Variants in KDM8 observed in about 807,000 individuals in gnomAD.
KDM8 encodes bifunctional peptidase and arginyl-hydroxylase JMJD5.
Under a neutral mutation model 46.9 loss-of-function variants are expected in KDM8, and 35 were observed. The ratio of observed to expected loss-of-function variants is 0.75; its 90% confidence interval spans 0.57 to 0.99. The LOEUF (loss-of-function observed/expected upper bound fraction) is 0.99, where lower values mean the gene tolerates loss of function less well. Among genes scored for constraint, KDM8 ranks in the 50% least tolerant of loss-of-function variants. The probability of loss-of-function intolerance (pLI) is 0.00; values close to 1 mark genes in which losing one functional copy is unlikely to be tolerated. For synonymous variants in KDM8, 232 were observed against 227.7 expected, an observed-to-expected ratio of 1.02 and a Z score of -0.17; for missense variants, 475 against 537.0, an observed-to-expected ratio of 0.88 and a Z score of 1.14.
rs148879641 is a variant in KDM8, at chr16:27,213,169, G to A, written c.499-416G>A. 921 of 156,818 alleles carry A rather than the reference G, an allele frequency of 5.9e-3. 11 individuals are homozygous for A. The highest frequency in any genetic ancestry group is 0.02 in the African/African-American group (813 of 41,564). The allele number at this position is 156,818 out of a possible 1,614,324, so 9.7% of individuals were successfully genotyped here. ...TAAATGATTGGAGGGGAGAGGCAGG[G>A]CTGCTGCTTCATCATTGCTGTTACT... On this transcript the variant is annotated intron_variant, in intron 2 of 7. Coordinates refer to ENST00000286096, the MANE Select transcript of KDM8 (RefSeq NM_024773.3).
At chr16:27,218,688 A>T (rs2083581512) in intron 5 of KDM8, among the ~76,000 whole-genome samples, 1 of 152,156 alleles carries the variant, frequency 6.6e-6, no homozygotes, top group African/African-American at 2.4e-5. Flanking sequence ...CAAAAACAAA[A>T]ATTAAAAAAA....
At chr16:27,217,681 A>C (rs578123827) in intron 5 of KDM8, among the ~76,000 whole-genome samples, 1 of 152,118 alleles carries the variant, frequency 6.6e-6, no homozygotes. Flanking sequence ...CCTGGTACAC[A>C]CTGGTTTCTG....
chr16:27,203,870 G>T (rs888451646), intron 1 of KDM8: 2 of 445,222 alleles, frequency 4.5e-6, no homozygotes, highest in Non-Finnish European at 8.1e-6. Context: ...CCGCGCGTGC[G>T]TATGCTCGTC....
At chr16:27,217,956 A>C (rs1350560292) in intron 5 of KDM8, among the ~76,000 whole-genome samples, 2 of 151,960 alleles carry the variant, frequency 1.3e-5, no homozygotes, top group African/African-American at 4.8e-5. Flanking sequence ...GTGCCTGCTA[A>C]GGGTCTGGAC....
chr16:27,220,220 C>G, intron 6 of KDM8, 173 bp from the exon 7 acceptor site: 1 of 654,800 alleles, frequency 1.5e-6, no homozygotes, highest in Non-Finnish European at 2.7e-6. Flanking sequence ...GACCCTGTCT[C>G]TAAAAAATAA....
intron 1 of KDM8, among the ~76,000 whole-genome samples, chr16:27,208,837 G>C (rs2083452129): frequency 6.6e-6 from 1 of 152,192 alleles, no homozygotes. Flanking sequence ...GGAGGCTAGA[G>C]ATAGAACCCA....
At chr16:27,207,134 G>A (rs1032407579) in intron 1 of KDM8, among the ~76,000 whole-genome samples, 6 of 152,206 alleles carry the variant, frequency 3.9e-5, no homozygotes, top group African/African-American at 1.4e-4. Context: ...AGGGCCGGGC[G>A]TGGTGGCTCA....
Position 27,220,613 on chromosome 16 carries a change from G to A in KDM8, c.1134G>A (p.Lys378=). ...TGGAAAAGTTCCCCAAGTTTGCCAA[G>A]GCCCCATTCCTGTCCTGCATCCTGT... The part of the protein sequence containing the change: ...PDLEKFPKFA[K]APFLSCILSP... Residue 378 remains lysine, a synonymous_variant, in exon 8 of 8, where the codon AAG becomes AAA. Transcript: ENST00000286096. 6.2e-7 allele frequency: 1 copy of A among 1,614,174 alleles called. No individual in the cohort carries two copies. The highest frequency in any genetic ancestry group is 1.1e-5 in the South Asian group (1 of 91,082).
intron 5 of KDM8, among the ~76,000 whole-genome samples, chr16:27,217,801 G>A (rs2083571515): frequency 6.6e-6 from 1 of 151,960 alleles, no homozygotes; most frequent in African/African-American, 2.4e-5. Context: ...GTGTCCCTCT[G>A]GCAACCCTGT....
chr16:27,212,400 C>T (rs2083494888), intron 2 of KDM8, among the ~76,000 whole-genome samples: 1 of 152,178 alleles, frequency 6.6e-6, no homozygotes, highest in Non-Finnish European at 1.5e-5. Context: ...CAGACAGGGT[C>T]TTGCCCAGTC....
intron 2 of KDM8, chr16:27,211,232 C>T (rs1214093018): frequency 2.2e-6 from 1 of 444,580 alleles, no homozygotes; most frequent in East Asian, 7.1e-5. Flanking sequence ...GTGAGAGCTG[C>T]AGCCAGCGGC....
chr16:27,220,356 G>A, intron 6 of KDM8, 37 bp from the exon 7 acceptor site: 2 of 1,585,048 alleles, frequency 1.3e-6, no homozygotes, highest in Non-Finnish European at 1.7e-6. Flanking sequence ...GCAGTGGAGT[G>A]AGGCCACCAG....
chr16:27,210,284 AGCT>A lies in KDM8; in HGVS notation c.162_164del (p.Glu54_Leu55delinsAsp). ...GTGACATTGTTGCAGCGAGCCACTG[AGCT>A]CTTCTACGAGGGCAGGAGGGACGAG... On this transcript the variant is annotated inframe_deletion, in exon 2 of 8. Coordinates refer to ENST00000286096, the MANE Select transcript of KDM8 (RefSeq NM_024773.3). 1 of 1,613,234 alleles carries A rather than the reference AGCT, an allele frequency of 6.2e-7. No homozygotes were observed. The highest frequency in any genetic ancestry group is 2.2e-5 in the East Asian group (1 of 44,884).
chr16:27,216,739 G>T (rs993501773), intron 5 of KDM8, among the ~76,000 whole-genome samples: 5 of 152,150 alleles, frequency 3.3e-5, no homozygotes, highest in African/African-American at 1.2e-4. Flanking sequence ...TCTTCCCCAG[G>T]CCTCCCTATT....
intron 5 of KDM8, among the ~76,000 whole-genome samples, chr16:27,217,177 C>T (rs1297155725): frequency 6.6e-6 from 1 of 152,216 alleles, no homozygotes; most frequent in African/African-American, 2.4e-5. Flanking sequence ...GGACAGTGTT[C>T]TAGAACCTTC....
chr16:27,204,071 A>G, intron 1 of KDM8: 2 of 1,546,730 alleles, frequency 1.3e-6, no homozygotes, highest in Non-Finnish European at 1.7e-6. Flanking sequence ...GCTGGAAACG[A>G]TTCCGCCGTC....
chr16:27,219,034 C>G lies in KDM8; in HGVS notation c.917C>G (p.Thr306Ser), dbSNP rs762336819. 7 of 1,614,012 alleles carry G rather than the reference C, an allele frequency of 4.3e-6. No homozygotes were observed. The South Asian group carries it at 7.7e-5, about 18-fold the overall frequency. Residue 306 changes from threonine (T) to serine (S), a missense_variant, in exon 6 of 8, where the codon ACC becomes AGC. Physicochemically the swap from Thr to Ser is moderately conservative, Grantham distance 58 (BLOSUM62 1). Transcript: ENST00000286096. ...SLGDGEEEEI[T>S]INAWFGPQGT... ...GGCGATGGGGAGGAGGAGGAAATCA[C>G]CATCAATGCCTGGTTTGGTCCCCAG...
At chr16:27,209,203 C>T (rs2083456116) in intron 1 of KDM8, among the ~76,000 whole-genome samples, 1 of 152,192 alleles carries the variant, frequency 6.6e-6, no homozygotes, top group African/African-American at 2.4e-5. Context: ...AATGATTGAC[C>T]GTAGGCCTTG....
At chr16:27,219,512 A>G (rs1245263467) in intron 6 of KDM8, among the ~76,000 whole-genome samples, 1 of 152,220 alleles carries the variant, frequency 6.6e-6, no homozygotes, top group Non-Finnish European at 1.5e-5. Flanking sequence ...GCCCAGTCAG[A>G]GGAGCAGATG....
Sources: gnomAD v4.1 joint callset for allele counts (sites outside exome capture counted in the v4.1 genomes callset) on GRCh38, gnomAD v4.1.1 for gene constraint, MANE v1.5 for transcripts, NCBI Gene and HGNC (gene_info 2026-07-23, HGNC 2026-07-21) for gene names.